TMEM131L: variants seen among roughly 807,000 people sequenced by gnomAD.
TMEM131L encodes the protein transmembrane protein 131-like.
In TMEM131L, 54 loss-of-function variants were observed where a neutral mutation model predicts 192.2. The ratio of observed to expected loss-of-function variants is 0.28; its 90% CI spans 0.23 to 0.35. The LOEUF (loss-of-function observed/expected upper bound fraction) is 0.35, where lower values mean the gene tolerates loss of function less well. Ranked by LOEUF, TMEM131L falls within the 10% of genes least tolerant of loss-of-function variation. TMEM131L has a pLI of 1.00. For synonymous variants in TMEM131L, 701 were observed against 704.9 expected (o/e 0.99, Z 0.09); for missense variants, 1,888 against 1,972.9 (o/e 0.96, Z 0.82).
chr4:153,525,853 TTTTTTA>T (rs1347757175), intron 3 of TMEM131L, among the ~76,000 whole-genome samples: 2 of 151,634 alleles, frequency 1.3e-5, no homozygotes, highest in African/African-American at 4.9e-5. Flanking sequence ...CATTCCTTTA[TTTTTTA>T]TTTTTATTTT....
chr4:153,622,847 A>G (rs772069582), intron 28 of TMEM131L, 51 bp from the exon 29 acceptor site: 1 of 1,574,704 alleles, frequency 6.4e-7, no homozygotes, highest in Non-Finnish European at 8.7e-7. Context: ...TTAGAAATGC[A>G]TGAGGTTGAC....
At chr4:153,481,536 T>C (rs967722136) in intron 3 of TMEM131L, among the ~76,000 whole-genome samples, 2 of 152,190 alleles carry the variant, frequency 1.3e-5, no homozygotes, top group Non-Finnish European at 2.9e-5. Context: ...TATTCTTTTA[T>C]TTTTAGTTTT....
rs1264024806 is a variant in TMEM131L, at chr4:153,583,624, C to T, written c.1012C>T (p.Pro338Ser). ...LSLQFEPVLL[P>S]TSTTNFTKIA... ...TCTGCAGTTTGAACCAGTACTACTA[C>T]CTACTTCTACAACAAACTTTACAAA... is the stretch of plus-strand genomic sequence containing the variant. Residue 338 changes from proline (P) to serine (S), a missense_variant, in exon 11 of 35, where the codon CCT (proline) becomes TCT (serine). Physicochemically the swap from Pro to Ser is moderately conservative, Grantham distance 74. Transcript: ENST00000409959. 8 of 1,610,460 alleles carry T rather than the reference C, an allele frequency of 5.0e-6. No homozygotes were observed. Among genetic ancestry groups the T allele is most frequent in the Admixed American group, 1.7e-5 (1 of 58,902 alleles).
chr4:153,537,920 A>G (rs1002109139), intron 3 of TMEM131L, among the ~76,000 whole-genome samples: 3 of 152,210 alleles, frequency 2.0e-5, no homozygotes, highest in Admixed American at 6.5e-5. Flanking sequence ...ACTAACTGGG[A>G]AGCAAGATGC....
chr4:153,505,112 T>TC (rs1261930024), intron 3 of TMEM131L, among the ~76,000 whole-genome samples: 3 of 141,880 alleles, frequency 2.1e-5, no homozygotes, highest in East Asian at 2.2e-4. Context: ...TTTCTTTCTT[T>TC]TTTTTTTTTT....
chr4:153,531,123 C>G (rs1452455393), intron 3 of TMEM131L, among the ~76,000 whole-genome samples: 1 of 152,142 alleles, frequency 6.6e-6, no homozygotes, highest in Non-Finnish European at 1.5e-5. Context: ...ATCAGTGGTT[C>G]CCAAATGCAT....
chr4:153,498,342 A>G lies in TMEM131L; in HGVS notation c.239+24454A>G, dbSNP rs533967767. 5.9e-5 allele frequency among the ~76,000 whole-genome samples: 9 copies of G among 152,332 alleles called. No homozygotes were observed. In the South Asian group the frequency reaches 1.9e-3, roughly 32 times the overall value. On this transcript the variant is annotated intron_variant, in intron 3 of 34. Coordinates refer to ENST00000409959, the MANE Select transcript of TMEM131L (RefSeq NM_001131007.2). The stretch of plus-strand genomic sequence containing the variant: ...TTACGGACAGAGAGGCAGGGTTTAC[A>G]GCAGCAGAGCCAAGGAGGGCTGAGG...
At chr4:153,520,434 TCTCCAGC>T (rs1280935064) in intron 3 of TMEM131L, among the ~76,000 whole-genome samples, 1 of 152,134 alleles carries the variant, frequency 6.6e-6, no homozygotes, top group Non-Finnish European at 1.5e-5. Flanking sequence ...ACACCATTGC[TCTCCAGC>T]CTGGGCAACA....
chr4:153,573,144 T>C (rs1729703379), intron 7 of TMEM131L, among the ~76,000 whole-genome samples: 1 of 152,238 alleles, frequency 6.6e-6, no homozygotes, highest in Non-Finnish European at 1.5e-5. Flanking sequence ...AAGATGGGTG[T>C]ATAAGTATCT....
chr4:153,521,905 G>A (rs550640506), intron 3 of TMEM131L, among the ~76,000 whole-genome samples: 3 of 147,838 alleles, frequency 2.0e-5, no homozygotes, highest in Non-Finnish European at 4.5e-5. Flanking sequence ...TATTACACAA[G>A]AAGTGCATGT....
Position 153,495,847 on chromosome 4 carries a change from G to A in TMEM131L, c.239+21959G>A, listed in dbSNP as rs150247826. ...AATAAAACGGGAGGCAGGTTTGCCT[G>A]GCATGATTCCCAGCTTGACCTTTCC... On this transcript the variant is annotated intron_variant, in intron 3 of 34. Coordinates refer to ENST00000409959, the MANE Select transcript of TMEM131L (RefSeq NM_001131007.2). 2.6e-5 allele frequency among the ~76,000 whole-genome samples: 4 copies of A among 152,306 alleles called. No individual in the cohort carries two copies. In the East Asian group the frequency reaches 5.8e-4, roughly 22 times the overall value.
chr4:153,603,752 A>G, intron 24 of TMEM131L, 50 bp from the exon 25 acceptor site: 1 of 1,522,512 alleles, frequency 6.6e-7, no homozygotes, highest in Non-Finnish European at 8.8e-7. Context: ...AGACAAGTAG[A>G]GTTTGATTTG....
intron 29 of TMEM131L, 150 bp downstream of exon 29, chr4:153,623,233 C>G: frequency 1.7e-6 from 1 of 601,968 alleles, no homozygotes; most frequent in Non-Finnish European, 2.7e-6. Context: ...TACTCACTTT[C>G]TTTTTCTTTC....
chr4:153,506,812 C>T (rs1435461234), intron 3 of TMEM131L, among the ~76,000 whole-genome samples: 2 of 142,800 alleles, frequency 1.4e-5, no homozygotes, highest in Non-Finnish European at 3.0e-5. Context: ...CATTGCACTC[C>T]AGCCTGGGTG....
chr4:153,588,134 C>G (rs1293115233), intron 15 of TMEM131L, among the ~76,000 whole-genome samples: 1 of 148,016 alleles, frequency 6.8e-6, no homozygotes, highest in Admixed American at 6.8e-5. Flanking sequence ...AAAGAACTGA[C>G]TAGAAGTTAG....
At chr4:153,601,101 C>G (rs903106394) in intron 21 of TMEM131L, among the ~76,000 whole-genome samples, 7 of 135,066 alleles carry the variant, frequency 5.2e-5, no homozygotes, top group Middle Eastern at 7.7e-3. Flanking sequence ...CAGAACAAGA[C>G]TGTCTCAAAA....
intron 3 of TMEM131L, among the ~76,000 whole-genome samples, chr4:153,480,890 G>A (rs187778037): frequency 9.2e-5 from 14 of 152,254 alleles, no homozygotes; most frequent in African/African-American, 2.9e-4. Context: ...TGTGCCTGCC[G>A]TCACGAGGTG....
intron 7 of TMEM131L, among the ~76,000 whole-genome samples, chr4:153,571,548 T>C (rs956026765): frequency 6.6e-6 from 1 of 152,146 alleles, no homozygotes; most frequent in African/African-American, 2.4e-5. Context: ...AATCATGGTT[T>C]CTTAATTATT....
chr4:153,553,825 G>T (rs945999105), intron 4 of TMEM131L, among the ~76,000 whole-genome samples: 3 of 152,156 alleles, frequency 2.0e-5, no homozygotes, highest in African/African-American at 7.2e-5. Context: ...TCATTCTTTT[G>T]TAGTGTTAAA....
Sources: gnomAD v4.1 joint callset for allele counts (sites outside exome capture counted in the v4.1 genomes callset) on GRCh38, gnomAD v4.1.1 for gene constraint, MANE v1.5 for transcripts, NCBI Gene and HGNC (gene_info 2026-07-23, HGNC 2026-07-21) for gene names.